The following PCCB variants were observed in gnomAD, a reference collection of about 807,000 sequenced individuals.
The protein encoded by PCCB is propionyl-CoA carboxylase beta chain, mitochondrial.
A neutral mutation model predicts 60.7 loss-of-function variants in PCCB; 43 were observed. The ratio of observed to expected loss-of-function variants is 0.71; its 90% CI spans 0.55 to 0.91. The LOEUF (loss-of-function observed/expected upper bound fraction) is 0.91. Among genes scored for constraint, PCCB ranks in the 40% least tolerant of loss-of-function variants. The probability of loss-of-function intolerance (pLI) is 0.00; values close to 1 mark genes in which losing one functional copy is unlikely to be tolerated. For synonymous variants in PCCB, 276 were observed against 255.9 expected (o/e 1.08, Z -0.75); for missense variants, 766 against 702.8 (o/e 1.09, Z -1.02).
intron 9 of PCCB, among the ~76,000 whole-genome samples, chr3:136,311,106 A>G (rs1934645605): frequency 6.6e-6 from 1 of 152,166 alleles, no homozygotes; most frequent in African/African-American, 2.4e-5. Flanking sequence ...ATTAGAGACA[A>G]AAGCCTTGGG....
intron 8 of PCCB, among the ~76,000 whole-genome samples, chr3:136,299,770 GTATGCATGTGTATGTATGTA>G (rs1355658510): frequency 1.3e-5 from 2 of 149,662 alleles, no homozygotes; most frequent in African/African-American, 2.5e-5. Context: ...GTATGTATAG[GTATGCATGTGTATGTATGTA>G]TATGCATGTG....
intron 2 of PCCB, 113 bp downstream of exon 2, chr3:136,256,088 T>G (rs1941665357): frequency 1.4e-6 from 2 of 1,456,100 alleles, no homozygotes. Flanking sequence ...GCAGAGGCAC[T>G]GCAGACATCA....
chr3:136,299,766 ATAGG>A (rs1308666410), intron 8 of PCCB, among the ~76,000 whole-genome samples: 40 of 149,880 alleles, frequency 2.7e-4, no homozygotes, highest in African/African-American at 5.0e-4. Flanking sequence ...GTGTGTATGT[ATAGG>A]TATGCATGTG....
At chr3:136,285,088 C>CAA (rs61543332) in intron 6 of PCCB, among the ~76,000 whole-genome samples, 2 of 107,138 alleles carry the variant, frequency 1.9e-5, no homozygotes, top group African/African-American at 3.7e-5. Context: ...GACCCTGCCT[C>CAA]AAAAAAAAAA....
intron 1 of PCCB, 141 bp downstream of exon 1, chr3:136,250,699 AC>A: frequency 1.2e-6 from 1 of 803,090 alleles, no homozygotes; most frequent in East Asian, 2.8e-5. Context: ...CACCTTGAAA[AC>A]CTGTAGCGTT....
chr3:136,296,081 G>A (rs13071085), intron 7 of PCCB, among the ~76,000 whole-genome samples: 13,513 of 151,924 alleles, frequency 0.089, 782 homozygotes, highest in Middle Eastern at 0.14. Flanking sequence ...TTTTTCTTTT[G>A]TGGTAACAGC....
At chr3:136,252,275 T>G in intron 1 of PCCB, 1 of 455,656 alleles carries the variant, frequency 2.2e-6, no homozygotes, top group Non-Finnish European at 4.4e-6. Context: ...TTTATTTTTT[T>G]TGAGACAGAG....
rs755054401 is a variant in PCCB at position 136,293,831 on chromosome 3, C to T, written c.730C>T (p.Leu244Phe). 2 of 1,611,392 alleles carry T rather than the reference C, an allele frequency of 1.2e-6. No individual in the cohort carries two copies. Among genetic ancestry groups the T allele is most frequent in the South Asian group, 2.2e-5 (2 of 91,034 alleles). ...VTNEDVTQEE[L>F]GGAKTHTTMS... is the part of the protein sequence containing the mutation. ...CAATGAGGATGTTACCCAGGAGGAG[C>T]TCGGTGGTGCCAAGACCCACACCAC... is the stretch of plus-strand genomic sequence containing the variant. The change falls in exon 7 of 15, where the codon CTC (leucine) becomes TTC (phenylalanine). Residue 244 changes from leucine (L) to phenylalanine (F), a missense_variant. Physicochemically the swap from Leu to Phe is conservative, Grantham distance 22 (BLOSUM62 0). Transcript: ENST00000251654.
chr3:136,289,789 C>CTTTTTTTTTTT (rs147625921), intron 6 of PCCB, among the ~76,000 whole-genome samples: 22,375 of 140,132 alleles, frequency 0.16, 2,340 homozygotes, highest in Non-Finnish European at 0.22. Flanking sequence ...ACATGTTATA[C>CTTTTTTTTTTT]TTTTTTTTTA....
intron 9 of PCCB, among the ~76,000 whole-genome samples, chr3:136,315,055 C>CTGT (rs1389014108): frequency 6.6e-6 from 1 of 152,112 alleles, no homozygotes; most frequent in African/African-American, 2.4e-5. Flanking sequence ...ATTAACTGGT[C>CTGT]TGTTGTCTTC....
chr3:136,259,207 T>A (rs898196842), intron 3 of PCCB: 1 of 1,414,020 alleles, frequency 7.1e-7, no homozygotes, highest in African/African-American at 1.5e-5. Flanking sequence ...TGGCTCCCGC[T>A]TGTCATCTCA....
At chr3:136,270,029 G>C (rs956247968) in intron 5 of PCCB, among the ~76,000 whole-genome samples, 1 of 139,656 alleles carries the variant, frequency 7.2e-6, no homozygotes, top group Non-Finnish European at 1.5e-5. Context: ...CTTGAAGGTT[G>C]AGGAAGTTCC....
At chr3:136,259,769 T>A (rs969470497) in intron 3 of PCCB, among the ~76,000 whole-genome samples, 1 of 152,244 alleles carries the variant, frequency 6.6e-6, no homozygotes, top group Non-Finnish European at 1.5e-5. Flanking sequence ...TGTATTTTTT[T>A]AAATACAGAG....
intron 5 of PCCB, among the ~76,000 whole-genome samples, chr3:136,271,822 T>G (rs537103381): frequency 1.3e-5 from 2 of 152,304 alleles, no homozygotes; most frequent in East Asian, 3.9e-4. Flanking sequence ...CTTGTTTGAC[T>G]TCCTCTTTTC....
At chr3:136,289,517 TTA>T (rs1185242798) in intron 6 of PCCB, among the ~76,000 whole-genome samples, 2 of 152,214 alleles carry the variant, frequency 1.3e-5, no homozygotes, top group African/African-American at 2.4e-5. Context: ...CTTTTAATCT[TTA>T]TGTCTATTTC....
chr3:136,323,902 A>G (rs1403334308), intron 10 of PCCB, among the ~76,000 whole-genome samples: 1 of 150,264 alleles, frequency 6.7e-6, no homozygotes, highest in Non-Finnish European at 1.5e-5. Flanking sequence ...TTCATTTTAT[A>G]CCTTGTGATT....
At chr3:136,263,431 AATTTTTTTTTGT>A in intron 5 of PCCB, among the ~76,000 whole-genome samples, 1 of 151,456 alleles carries the variant, frequency 6.6e-6, no homozygotes, top group South Asian at 2.1e-4. Context: ...ACATCCGGTG[AATTTTTTTTTGT>A]ATTTTTTTTA....
At position 136,270,009 on chromosome 3, in the gene PCCB, T is replaced by TG. The variant is rs1197347818; in HGVS notation, c.543+7946dup. The stretch of plus-strand genomic sequence containing the variant: ...CTGGTGTGTGTTTTTTTTTTTTTTT[T>TG]GGACATTCTCTTGAAGGTTGAGGAA... On this transcript the variant is annotated intron_variant, in intron 5 of 14. Transcript: ENST00000251654. 9.3e-4 allele frequency among the ~76,000 whole-genome samples: 140 copies of TG among 150,944 alleles called. 1 individual carries two copies. The highest frequency in any genetic ancestry group is 3.3e-3 in the African/African-American group (137 of 41,138).
At chr3:136,322,310 C>A (rs1326900888) in intron 10 of PCCB, among the ~76,000 whole-genome samples, 1 of 152,086 alleles carries the variant, frequency 6.6e-6, no homozygotes, top group African/African-American at 2.4e-5. Context: ...GAGATAAATC[C>A]CACCTGGTTT....
Sources: allele counts gnomAD v4.1 joint callset (sites outside exome capture counted in the v4.1 genomes callset), GRCh38; gene constraint gnomAD v4.1.1; transcripts MANE v1.5; gene names NCBI Gene and HGNC (gene_info 2026-07-23, HGNC 2026-07-21).